The following SLC17A5 variants were observed in gnomAD, a reference collection of about 807,000 sequenced individuals.
The protein encoded by SLC17A5 is sialin.
SLC17A5 carries 47 observed loss-of-function variants against 59.4 expected under a neutral mutation model. The observed-to-expected ratio is 0.79, with a 90% CI of 0.63 to 1.01. The LOEUF is 1.01. Ranked by LOEUF, SLC17A5 falls within the 50% of genes least tolerant of loss-of-function variation. The pLI is 0.00. For synonymous variants in SLC17A5, 202 were observed against 210.7 expected (o/e 0.96, Z 0.36); for missense variants, 522 against 595.5 (o/e 0.88, Z 1.28).
intron 9 of SLC17A5, among the ~76,000 whole-genome samples, 153 bp from the exon 10 acceptor site, chr6:73,600,594 T>G (rs1016067934): frequency 2.6e-5 from 4 of 151,048 alleles, no homozygotes; most frequent in African/African-American, 9.7e-5. Flanking sequence ...CTGCAGCCTC[T>G]GCCTCCCGGG....
At chr6:73,628,584 C>G (rs1768545773) in intron 6 of SLC17A5, among the ~76,000 whole-genome samples, 1 of 150,890 alleles carries the variant, frequency 6.6e-6, no homozygotes, top group Admixed American at 6.6e-5. Context: ...CACCCCCACC[C>G]CCCAAAAAGG....
intron 10 of SLC17A5, among the ~76,000 whole-genome samples, chr6:73,595,950 GTATATATATACATATACATATATA>G (rs1561982398): frequency 2.4e-3 from 8 of 3,338 alleles, no homozygotes; most frequent in Non-Finnish European, 3.6e-3. Context: ...ATATATATAC[GTATATATATACATATACATATATA>G]TATATATTTT....
chr6:73,639,047 G>A (rs185877341), intron 3 of SLC17A5, among the ~76,000 whole-genome samples: 244 of 152,178 alleles, frequency 1.6e-3, no homozygotes, highest in African/African-American at 5.6e-3. Context: ...AATTCAAGCT[G>A]ACAATCAACC....
chr6:73,626,533 T>C (rs1357971568), intron 6 of SLC17A5, among the ~76,000 whole-genome samples: 3 of 152,214 alleles, frequency 2.0e-5, no homozygotes, highest in Non-Finnish European at 4.4e-5. Flanking sequence ...TTTCAAATGT[T>C]ACTAGGAGAA....
intron 6 of SLC17A5, among the ~76,000 whole-genome samples, chr6:73,634,889 G>A (rs1768924147): frequency 1.3e-5 from 2 of 152,214 alleles, no homozygotes; most frequent in African/African-American, 4.8e-5. Context: ...GTCAGAATGA[G>A]AATCCTTTCA....
chr6:73,596,134 C>T (rs912840553), intron 10 of SLC17A5, among the ~76,000 whole-genome samples: 1 of 151,834 alleles, frequency 6.6e-6, no homozygotes, highest in African/African-American at 2.4e-5. Context: ...AAAAGTTATA[C>T]TTCAATAAAA....
chr6:73,603,358 C>A (rs1011240993), intron 9 of SLC17A5, among the ~76,000 whole-genome samples: 5 of 151,132 alleles, frequency 3.3e-5, no homozygotes, highest in African/African-American at 1.2e-4. Flanking sequence ...TGCCAAATTG[C>A]TGGGATTACA....
chr6:73,637,615 G>A (rs1769078745), intron 4 of SLC17A5, among the ~76,000 whole-genome samples: 1 of 151,940 alleles, frequency 6.6e-6, no homozygotes, highest in South Asian at 2.1e-4. Context: ...CTGAGTTCTA[G>A]CCATCCAAGG....
chr6:73,609,732 T>C (rs562240055), intron 9 of SLC17A5, among the ~76,000 whole-genome samples: 8 of 152,352 alleles, frequency 5.3e-5, no homozygotes, highest in South Asian at 4.1e-4. Flanking sequence ...GAGGTGATGA[T>C]AGTTAAAAGT....
At chr6:73,608,863 T>C (rs1197829424) in intron 9 of SLC17A5, among the ~76,000 whole-genome samples, 1 of 152,044 alleles carries the variant, frequency 6.6e-6, no homozygotes, top group Non-Finnish European at 1.5e-5. Context: ...AAAATATTTT[T>C]TGAAAAATTA....
intron 4 of SLC17A5, among the ~76,000 whole-genome samples, chr6:73,637,881 A>G (rs1300671913): frequency 6.6e-6 from 1 of 152,216 alleles, no homozygotes; most frequent in Non-Finnish European, 1.5e-5. Context: ...TATAATTCAC[A>G]TATATAAAAC....
intron 9 of SLC17A5, among the ~76,000 whole-genome samples, chr6:73,607,041 C>CA (rs940847951): frequency 6.6e-6 from 1 of 152,148 alleles, no homozygotes; most frequent in African/African-American, 2.4e-5. Context: ...GAAAGCACAC[C>CA]AATCATCACT....
intron 9 of SLC17A5, among the ~76,000 whole-genome samples, chr6:73,602,684 A>T (rs187547558): frequency 9.0e-4 from 137 of 151,742 alleles, no homozygotes; most frequent in African/African-American, 3.2e-3. Context: ...CTGAGGCAGG[A>T]GAATGGCGTG....
intron 9 of SLC17A5, among the ~76,000 whole-genome samples, chr6:73,601,258 G>A (rs550776484): frequency 7.0e-6 from 1 of 143,414 alleles, no homozygotes; most frequent in South Asian, 2.2e-4. Flanking sequence ...GGTGAGGAGC[G>A]TCTCTGCCCA....
chr6:73,635,617 A>T, intron 5 of SLC17A5, 117 bp from the exon 6 acceptor site: 1 of 610,394 alleles, frequency 1.6e-6, no homozygotes, highest in Non-Finnish European at 2.9e-6. Flanking sequence ...TCTTGAAAAA[A>T]TTATGTAACT....
At chr6:73,650,293 T>A (rs1769791315) in intron 1 of SLC17A5, among the ~76,000 whole-genome samples, 1 of 150,434 alleles carries the variant, frequency 6.6e-6, no homozygotes, top group African/African-American at 2.4e-5. Flanking sequence ...GTGGATCACG[T>A]GGTCAGGAGA....
intron 10 of SLC17A5, among the ~76,000 whole-genome samples, chr6:73,599,175 CTTATT>C (rs1766949270): frequency 6.6e-6 from 1 of 151,910 alleles, no homozygotes; most frequent in Non-Finnish European, 1.5e-5. Context: ...GAGTGCGAAA[CTTATT>C]TTATTTTGTT....
chr6:73,625,714 G>T (rs1310744588), intron 6 of SLC17A5, among the ~76,000 whole-genome samples: 1 of 152,180 alleles, frequency 6.6e-6, no homozygotes, highest in Non-Finnish European at 1.5e-5. Context: ...GGCTTCACTG[G>T]TGATTCTATA....
chr6:73,638,864 A>G (rs960645500), intron 3 of SLC17A5, among the ~76,000 whole-genome samples: 3 of 152,214 alleles, frequency 2.0e-5, no homozygotes, highest in Non-Finnish European at 4.4e-5. Context: ...TTTTAAGACA[A>G]CAAGATAAGG....
Sources: gnomAD v4.1 joint callset for allele counts (sites outside exome capture counted in the v4.1 genomes callset) on GRCh38, gnomAD v4.1.1 for gene constraint, MANE v1.5 for transcripts, NCBI Gene and HGNC (gene_info 2026-07-23, HGNC 2026-07-21) for gene names.